Variants in PDGFC observed in about 807,000 individuals in gnomAD.
PDGFC encodes platelet-derived growth factor C.
In PDGFC, 12 loss-of-function variants were observed where a neutral mutation model predicts 35.5. That is an observed-to-expected ratio of 0.34 (90% CI 0.22 to 0.55). The LOEUF is 0.55. PDGFC is among the 20% of genes least tolerant of loss of function. The pLI is 0.91. For synonymous variants in PDGFC, 159 were observed against 148.8 expected (o/e 1.07, Z -0.50); for missense variants, 322 against 412.4 (o/e 0.78, Z 1.90).
rs1732591018 is a variant in PDGFC at position 156,971,416 on chromosome 4, C to T, written c.-513G>A. The stretch of plus-strand genomic sequence containing the variant: ...GGGCGCCCCTCTCCCCCGCCCCACC[C>T]CCCACCCCCGAAGGGGGAGGGGGAA... On this transcript the variant is annotated 5_prime_UTR_variant, in exon 1 of 6. Transcript: ENST00000502773. The T allele has an allele frequency of 2.6e-6, 1 of 388,192 alleles. No homozygotes were observed. The highest frequency in any genetic ancestry group is 1.3e-4 in the South Asian group (1 of 7,638). 24.0% of individuals were successfully genotyped at this position (388,192 alleles called of 1,614,324 possible).
chr4:156,835,849 T>C (rs1469627983), intron 2 of PDGFC: 1 of 152,132 alleles, frequency 6.6e-6, no homozygotes, highest in Non-Finnish European at 1.5e-5. Context: ...CTGGAGAAAA[T>C]CTCTTCATTT....
intron 1 of PDGFC, among the ~76,000 whole-genome samples, chr4:156,912,894 TA>T (rs1258066055): frequency 1.3e-5 from 2 of 152,056 alleles, no homozygotes; most frequent in East Asian, 3.9e-4. Context: ...CTGGAGGGAT[TA>T]AAAAAATCTT....
chr4:156,765,341 G>C (rs565873319), intron 5 of PDGFC, among the ~76,000 whole-genome samples: 31 of 152,280 alleles, frequency 2.0e-4, no homozygotes, highest in African/African-American at 7.5e-4. Flanking sequence ...AATTTAGACG[G>C]AGAGGTTGAA....
At chr4:156,779,128 A>C (rs1338182814) in intron 3 of PDGFC, 1 of 456,188 alleles carries the variant, frequency 2.2e-6, no homozygotes, top group Non-Finnish European at 4.4e-6. Context: ...TGCAGACACA[A>C]ATGCCTGCCA....
At chr4:156,776,596 T>C (rs530469932) in intron 3 of PDGFC, among the ~76,000 whole-genome samples, 129 of 152,232 alleles carry the variant, frequency 8.5e-4, no homozygotes, top group African/African-American at 1.4e-3. Context: ...GGACAGGTTG[T>C]CAAAGAGCAG....
At chr4:156,768,316 T>TAA (rs34242897) in intron 4 of PDGFC, among the ~76,000 whole-genome samples, 2 of 139,150 alleles carry the variant, frequency 1.4e-5, no homozygotes, top group Non-Finnish European at 3.2e-5. Context: ...TTAACCTTAG[T>TAA]AAAAAAAAAA....
At chr4:156,801,174 C>T (rs1349127686) in intron 3 of PDGFC, among the ~76,000 whole-genome samples, 1 of 152,098 alleles carries the variant, frequency 6.6e-6, no homozygotes, top group African/African-American at 2.4e-5. Context: ...GTGGCCCCCA[C>T]CCAGAAGCAG....
chr4:156,773,952 A>ATCCTG (rs2110821360), intron 3 of PDGFC, among the ~76,000 whole-genome samples: 1 of 152,308 alleles, frequency 6.6e-6, no homozygotes, highest in African/African-American at 2.4e-5. Flanking sequence ...CATTACTTCC[A>ATCCTG]TCCTGGGCTC....
chr4:156,875,009 G>C (rs1159971094), intron 1 of PDGFC, among the ~76,000 whole-genome samples: 1 of 152,044 alleles, frequency 6.6e-6, no homozygotes, highest in Non-Finnish European at 1.5e-5. Flanking sequence ...CAAGCTACCA[G>C]ATCTGGCCTA....
intron 1 of PDGFC, among the ~76,000 whole-genome samples, chr4:156,878,914 A>G (rs1284879681): frequency 2.6e-5 from 4 of 152,220 alleles, no homozygotes; most frequent in Admixed American, 2.0e-4. Context: ...TGTTGACTTT[A>G]TGTGTCCAAA....
chr4:156,786,973 C>G (rs1731145719), intron 3 of PDGFC, among the ~76,000 whole-genome samples: 1 of 152,030 alleles, frequency 6.6e-6, no homozygotes, highest in Non-Finnish European at 1.5e-5. Flanking sequence ...TTTCAATAAT[C>G]CAAATGGAAA....
intron 1 of PDGFC, among the ~76,000 whole-genome samples, chr4:156,881,647 A>G (rs1730245428): frequency 6.6e-6 from 1 of 152,100 alleles, no homozygotes; most frequent in South Asian, 2.1e-4. Flanking sequence ...CCTGGCCAAC[A>G]TGGTGAAACC....
At chr4:156,817,079 AG>A (rs1732107712) in intron 2 of PDGFC, among the ~76,000 whole-genome samples, 1 of 152,216 alleles carries the variant, frequency 6.6e-6, no homozygotes, top group Non-Finnish European at 1.5e-5. Context: ...GAAACCATGA[AG>A]AGTTCTACTT....
intron 1 of PDGFC, among the ~76,000 whole-genome samples, chr4:156,939,132 A>G (rs961916631): frequency 1.4e-4 from 21 of 152,198 alleles, no homozygotes; most frequent in African/African-American, 4.8e-4. Context: ...GGCCTCTATT[A>G]TTAATTAACT....
At chr4:156,938,570 A>G (rs996968589) in intron 1 of PDGFC, among the ~76,000 whole-genome samples, 5 of 152,104 alleles carry the variant, frequency 3.3e-5, no homozygotes, top group African/African-American at 9.6e-5. Context: ...ATTTATATTT[A>G]AAAAACTGAC....
At chr4:156,823,123 C>T (rs1732316738) in intron 2 of PDGFC, among the ~76,000 whole-genome samples, 1 of 152,104 alleles carries the variant, frequency 6.6e-6, no homozygotes, top group South Asian at 2.1e-4. Flanking sequence ...TCACTACTGG[C>T]CAGGGACAGG....
chr4:156,926,742 T>C (rs574656190), intron 1 of PDGFC, among the ~76,000 whole-genome samples: 1 of 152,270 alleles, frequency 6.6e-6, no homozygotes, highest in East Asian at 1.9e-4. Context: ...CTGGCTGACT[T>C]TGTGGGCTGG....
chr4:156,802,147 A>G (rs1266567269), intron 3 of PDGFC, among the ~76,000 whole-genome samples: 2 of 152,204 alleles, frequency 1.3e-5, no homozygotes, highest in Non-Finnish European at 2.9e-5. Flanking sequence ...CATGGGCCAC[A>G]GACTGTTTTG....
At position 156,903,125 on chromosome 4, in the gene PDGFC, G is replaced by GTGTGTGTGT. The variant is rs1553975812; in HGVS notation, c.119-52710_119-52709insACACACACA. Among the ~76,000 whole-genome samples, 747 of 150,720 alleles carry GTGTGTGTGT rather than the reference G, an allele frequency of 5.0e-3. 14 individuals are homozygous for GTGTGTGTGT. In the East Asian group the frequency reaches 0.062, roughly 13 times the overall value. On this transcript the variant is annotated intron_variant, in intron 1 of 5. Transcript: ENST00000502773. ...AGAGAGTGTGTGTGTGTGTGTGTGTGTGTGTGTATAAACTAGATCACATAT... is the reference window on the plus strand; with the variant it reads ...AGAGAGTGTGTGTGTGTGTGTGTGTGTGTGTGTGTTGTGTGTATAAACTAGATCACATAT...
Sources: allele counts gnomAD v4.1 joint callset (sites outside exome capture counted in the v4.1 genomes callset), GRCh38; gene constraint gnomAD v4.1.1; transcripts MANE v1.5; gene names NCBI Gene and HGNC (gene_info 2026-07-23, HGNC 2026-07-21).